KIF13B: variants seen among roughly 807,000 people sequenced by gnomAD.
KIF13B encodes kinesin family member 13B.
KIF13B carries 127 observed loss-of-function variants against 222.0 expected under a neutral mutation model. The ratio of observed to expected loss-of-function variants is 0.57; its 90% CI spans 0.50 to 0.66. KIF13B has a LOEUF of 0.66. Ranked by LOEUF, KIF13B falls within the 30% of genes least tolerant of loss-of-function variation. The pLI, the probability that KIF13B is intolerant of heterozygous loss-of-function variation, is 0.00. For missense variants in KIF13B, 2,173 were observed against 2,379.0 expected, an observed-to-expected ratio of 0.91 and a Z score of 1.80; for synonymous variants, 976 against 919.0, an observed-to-expected ratio of 1.06 and a Z score of -1.12.
At chr8:29,142,627 G>A (rs1810868034) in intron 18 of KIF13B, among the ~76,000 whole-genome samples, 1 of 152,084 alleles carries the variant, frequency 6.6e-6, no homozygotes, top group East Asian at 1.9e-4. Context: ...ATAACTTGAG[G>A]TCAGGAGTTC....
chr8:29,105,789 G>GCTGGGATTACAGGCGC (rs1189199667), intron 35 of KIF13B, among the ~76,000 whole-genome samples: 19 of 150,606 alleles, frequency 1.3e-4, no homozygotes, highest in South Asian at 6.3e-4. Context: ...CTTCCGAGTA[G>GCTGGGATTACAGGCGC]CTGGGATTAC....
intron 18 of KIF13B, among the ~76,000 whole-genome samples, chr8:29,143,084 C>G (rs1810892623): frequency 6.6e-6 from 1 of 152,084 alleles, no homozygotes; most frequent in African/African-American, 2.4e-5. Flanking sequence ...GAACTCCTGG[C>G]CTCAAGTGAT....
At chr8:29,076,624 T>C (rs543864165) in intron 37 of KIF13B, among the ~76,000 whole-genome samples, 43 of 152,316 alleles carry the variant, frequency 2.8e-4, no homozygotes, top group East Asian at 1.9e-3. Context: ...GTGCTCACCA[T>C]GTTTACAAGC....
At chr8:29,229,739 C>T (rs1815200958) in intron 2 of KIF13B, among the ~76,000 whole-genome samples, 1 of 152,112 alleles carries the variant, frequency 6.6e-6, no homozygotes, top group Non-Finnish European at 1.5e-5. Flanking sequence ...TCAGAGGAAA[C>T]CCACAATCCC....
intron 2 of KIF13B, among the ~76,000 whole-genome samples, chr8:29,210,755 G>C (rs1814185160): frequency 6.6e-6 from 1 of 152,106 alleles, no homozygotes; most frequent in Non-Finnish European, 1.5e-5. Context: ...CTGTGAATGA[G>C]AAATACCAAA....
chr8:29,240,066 T>G (rs567819963), intron 2 of KIF13B, among the ~76,000 whole-genome samples: 1 of 150,196 alleles, frequency 6.7e-6, no homozygotes, highest in Non-Finnish European at 1.5e-5. Context: ...AACAGGAAAT[T>G]TGATAAAATA....
At chr8:29,243,713 C>T (rs1157076838) in intron 2 of KIF13B, among the ~76,000 whole-genome samples, 1 of 152,078 alleles carries the variant, frequency 6.6e-6, no homozygotes, top group Non-Finnish European at 1.5e-5. Context: ...GATGTAGTCT[C>T]TTGCCATGCT....
At chr8:29,166,556 T>C (rs1318763951) in intron 11 of KIF13B, among the ~76,000 whole-genome samples, 2 of 152,010 alleles carry the variant, frequency 1.3e-5, no homozygotes, top group Admixed American at 6.5e-5. Context: ...ACTACAAAAT[T>C]AGCTGGGCGT....
At chr8:29,117,973 C>T (rs1332747115) in intron 30 of KIF13B, among the ~76,000 whole-genome samples, 2 of 151,940 alleles carry the variant, frequency 1.3e-5, no homozygotes, top group African/African-American at 2.4e-5. Flanking sequence ...GCCTGACCAA[C>T]ATGGTGAAAC....
At chr8:29,172,898 A>C (rs1812308661) in intron 10 of KIF13B, among the ~76,000 whole-genome samples, 1 of 150,308 alleles carries the variant, frequency 6.7e-6, no homozygotes, top group Non-Finnish European at 1.5e-5. Flanking sequence ...TTAACAAAAG[A>C]TATTTCTTGT....
chr8:29,116,784 T>G, intron 31 of KIF13B, 47 bp downstream of exon 31: 1 of 1,548,758 alleles, frequency 6.5e-7, no homozygotes. Context: ...GGCCCTACCC[T>G]CAGGTCGCAA....
intron 1 of KIF13B, among the ~76,000 whole-genome samples, chr8:29,249,622 A>G (rs1816195822): frequency 6.6e-6 from 1 of 152,128 alleles, no homozygotes; most frequent in Non-Finnish European, 1.5e-5. Context: ...CAAATGCAAA[A>G]AAGCAAAACA....
chr8:29,221,189 AC>A (rs1814732026), intron 2 of KIF13B, among the ~76,000 whole-genome samples: 1 of 141,100 alleles, frequency 7.1e-6, no homozygotes, highest in South Asian at 2.2e-4. Flanking sequence ...TGCAACCTCC[AC>A]CCCCCAGGTT....
intron 35 of KIF13B, among the ~76,000 whole-genome samples, chr8:29,103,371 G>A (rs889509123): frequency 3.9e-5 from 6 of 152,024 alleles, no homozygotes; most frequent in Middle Eastern, 3.4e-3. Context: ...ACGACACGCC[G>A]AAATTCATCC....
intron 5 of KIF13B, 71 bp from the exon 6 acceptor site, chr8:29,186,543 T>C (rs577888149): frequency 1.4e-5 from 18 of 1,311,622 alleles, no homozygotes; most frequent in Non-Finnish European, 1.9e-5. Flanking sequence ...TTTCCGTTGC[T>C]CATAATAAAC....
chr8:29,187,913 C>T (rs1813012342), intron 5 of KIF13B, among the ~76,000 whole-genome samples: 1 of 152,100 alleles, frequency 6.6e-6, no homozygotes, highest in Non-Finnish European at 1.5e-5. Context: ...AAGTAACTGC[C>T]CAGGTCTCTC....
chr8:29,184,900 G>C (rs1812864112), intron 6 of KIF13B, among the ~76,000 whole-genome samples: 1 of 152,100 alleles, frequency 6.6e-6, no homozygotes, highest in Admixed American at 6.6e-5. Context: ...ATAATATTAA[G>C]TAGGATGTGG....
intron 37 of KIF13B, among the ~76,000 whole-genome samples, chr8:29,090,802 C>T (rs1393367548): frequency 2.0e-5 from 3 of 152,168 alleles, no homozygotes; most frequent in African/African-American, 7.2e-5. Flanking sequence ...CTCTGCCTCC[C>T]GCGTTCAAGC....
At chr8:29,137,765 A>T (rs1810632544) in intron 21 of KIF13B, among the ~76,000 whole-genome samples, 5 of 152,226 alleles carry the variant, frequency 3.3e-5, no homozygotes, top group Admixed American at 3.3e-4. Flanking sequence ...GAAATGGCTG[A>T]TTCCAGGTCT....
Sources: gnomAD v4.1 joint callset for allele counts (sites outside exome capture counted in the v4.1 genomes callset) on GRCh38, gnomAD v4.1.1 for gene constraint, MANE v1.5 for transcripts, NCBI Gene and HGNC (gene_info 2026-07-23, HGNC 2026-07-21) for gene names.